Variants in MTAP observed in about 807,000 individuals in gnomAD.
The protein encoded by MTAP is methylthioadenosine phosphorylase.
A neutral mutation model predicts 33.6 loss-of-function variants in MTAP; 33 were observed. The ratio of observed to expected loss-of-function variants is 0.98; its 90% confidence interval spans 0.74 to 1.31. The LOEUF is 1.31. MTAP is among the 40% of genes most tolerant of loss of function. MTAP has a pLI of 0.00. For missense variants in MTAP, 367 were observed against 360.0 expected, an observed-to-expected ratio of 1.02 and a Z score of -0.16; for synonymous variants, 148 against 125.7, an observed-to-expected ratio of 1.18 and a Z score of -1.19.
chr9:21,875,579 G>T (rs111740773), intron 1 of MTAP, among the ~76,000 whole-genome samples: 1 of 151,956 alleles, frequency 6.6e-6, no homozygotes, highest in Admixed American at 6.6e-5. Context: ...GTTGGCCCCA[G>T]TGTCTTCTTT....
chr9:21,827,690 C>T (rs756965768), intron 4 of MTAP, among the ~76,000 whole-genome samples: 10 of 152,308 alleles, frequency 6.6e-5, no homozygotes, highest in Non-Finnish European at 1.3e-4. Context: ...CCAACACCCA[C>T]AACAGTTCCT....
intron 1 of MTAP, among the ~76,000 whole-genome samples, chr9:21,883,795 A>G (rs1490644157): frequency 6.6e-6 from 1 of 151,796 alleles, no homozygotes; most frequent in African/African-American, 2.4e-5. Flanking sequence ...AATCAGCAAT[A>G]CCTAGTGTGG....
chr9:21,825,558 C>T (rs1432529963), intron 4 of MTAP, among the ~76,000 whole-genome samples: 18 of 152,154 alleles, frequency 1.2e-4, no homozygotes, highest in Admixed American at 1.2e-3. Flanking sequence ...GCCATTGTGG[C>T]CTGGCACAGT....
intron 1 of MTAP, among the ~76,000 whole-genome samples, chr9:21,879,120 C>G (rs952160851): frequency 1.3e-5 from 2 of 152,100 alleles, no homozygotes; most frequent in Non-Finnish European, 2.9e-5. Flanking sequence ...TGTTAATTTT[C>G]TTCCTTGATG....
intron 1 of MTAP, among the ~76,000 whole-genome samples, chr9:21,807,917 G>T (rs924960009): frequency 2.6e-5 from 4 of 152,220 alleles, no homozygotes; most frequent in African/African-American, 9.7e-5. Context: ...AGCAGTTAAG[G>T]AAAATGTTTG....
At chr9:21,868,884 C>T (rs556037143), downstream of MTAP, among the ~76,000 whole-genome samples, 31 of 152,278 alleles carry the variant, frequency 2.0e-4, no homozygotes, top group African/African-American at 6.7e-4. Flanking sequence ...CCAGAGTTTC[C>T]GATTCAGGAT....
chr9:21,910,191 A>G (rs1366695178), intron 1 of MTAP, among the ~76,000 whole-genome samples: 2 of 152,198 alleles, frequency 1.3e-5, no homozygotes, highest in South Asian at 2.1e-4. Context: ...AAATATGTAT[A>G]AAACACTTAC....
chr9:21,871,408 A>T (rs1299780607), downstream of MTAP, among the ~76,000 whole-genome samples: 1 of 151,998 alleles, frequency 6.6e-6, no homozygotes, highest in Non-Finnish European at 1.5e-5. Context: ...ATCTCTTTTT[A>T]TCTGACTCAC....
chr9:21,864,577 C>T lies in MTAP; in HGVS notation c.*2563C>T, dbSNP rs1825819112. ...CATGGTTTTGAGAATGACATCCTGG[C>T]CCTGTGGTCCCCGAGGGTCATGGTC... On this transcript the variant is annotated 3_prime_UTR_variant, in exon 8 of 8. Coordinates refer to ENST00000644715, the MANE Select transcript of MTAP (RefSeq NM_002451.4). 1 of 985,468 alleles carries T rather than the reference C, an allele frequency of 1.0e-6. No homozygotes were observed. Among genetic ancestry groups the T allele is most frequent in the African/African-American group, 1.7e-5 (1 of 57,334 alleles). 61.0% of individuals were successfully genotyped at this position (985,468 alleles called of 1,614,324 possible).
At chr9:21,809,838 G>A (rs184685267) in intron 1 of MTAP, among the ~76,000 whole-genome samples, 20 of 152,310 alleles carry the variant, frequency 1.3e-4, no homozygotes, top group Admixed American at 1.2e-3. Context: ...GTTCAGGAGG[G>A]TGGGTGGCTC....
At chr9:21,904,038 G>A (rs1386275363) in intron 1 of MTAP, among the ~76,000 whole-genome samples, 1 of 152,198 alleles carries the variant, frequency 6.6e-6, no homozygotes, top group Admixed American at 6.5e-5. Context: ...GCAGATGGGG[G>A]AGCCAGAAAG....
At chr9:21,836,203 T>A (rs1235701794) in intron 4 of MTAP, among the ~76,000 whole-genome samples, 1 of 152,004 alleles carries the variant, frequency 6.6e-6, no homozygotes, top group African/African-American at 2.4e-5. Flanking sequence ...AAATGAAGAA[T>A]CAAAAAGATA....
At chr9:21,878,907 A>G (rs529869299) in intron 1 of MTAP, among the ~76,000 whole-genome samples, 1 of 152,244 alleles carries the variant, frequency 6.6e-6, no homozygotes, top group South Asian at 2.1e-4. Flanking sequence ...TTATTGCGCT[A>G]TAGTCCTAGA....
chr9:21,804,881 T>C (rs1824168008), intron 1 of MTAP, among the ~76,000 whole-genome samples: 1 of 152,162 alleles, frequency 6.6e-6, no homozygotes, highest in African/African-American at 2.4e-5. Flanking sequence ...ACCAACTAGA[T>C]GTGAGGCATT....
rs111342676 is a variant in MTAP, at chr9:21,863,046, A to C, written c.*1032A>C. ...AGGGAGTTACATCTTTATTCTGCTA[A>C]AGAAGAGGATCATTGATTTCTGTAC... On this transcript the variant is annotated 3_prime_UTR_variant, in exon 8 of 8. Coordinates refer to ENST00000644715, the MANE Select transcript of MTAP (RefSeq NM_002451.4). 1.0e-6 allele frequency: 1 copy of C among 985,456 alleles called. No homozygotes were observed. Among genetic ancestry groups the C allele is most frequent in the African/African-American group, 1.7e-5 (1 of 57,382 alleles). The allele number at this position is 985,456 out of a possible 1,614,324, so 61.0% of individuals were successfully genotyped here.
At position 21,883,038 on chromosome 9, in the gene MTAP, TAATTA is replaced by T. The variant is rs1449068047; in HGVS notation, c.147+28175_147+28179del. 2.0e-5 allele frequency among the ~76,000 whole-genome samples: 3 copies of T among 150,946 alleles called. No individual in the cohort carries two copies. The East Asian group carries it at 5.8e-4, about 29-fold the overall frequency. The stretch of plus-strand genomic sequence containing the variant: ...GTGATTAAAAAAGAAAAGCAGAACT[TAATTA>T]AATTAATGAAGTAGAAAACAAGGAG... On this transcript the variant is annotated intron_variant, in intron 1 of 1. Coordinates refer to the MTAP transcript ENST00000577563.
At chr9:21,861,873 T>A in intron 7 of MTAP, 103 bp from the exon 8 acceptor site, 1 of 803,800 alleles carries the variant, frequency 1.2e-6, no homozygotes, top group Non-Finnish European at 2.2e-6. Context: ...GTTTCCTGCG[T>A]CCTCACTTTG....
At chr9:21,912,116 C>T (rs576600202) in intron 1 of MTAP, among the ~76,000 whole-genome samples, 1 of 152,060 alleles carries the variant, frequency 6.6e-6, no homozygotes, top group African/African-American at 2.4e-5. Context: ...CAATAACAGG[C>T]TCTGAAATTG....
At chr9:21,803,273 C>G (rs1824113104) in intron 1 of MTAP, 1 of 263,940 alleles carries the variant, frequency 3.8e-6, no homozygotes, top group African/African-American at 2.2e-5. Context: ...TTGTTGCCTG[C>G]GGCCCACGTG....
Sources: allele counts gnomAD v4.1 joint callset (sites outside exome capture counted in the v4.1 genomes callset), GRCh38; gene constraint gnomAD v4.1.1; transcripts MANE v1.5; gene names NCBI Gene and HGNC (gene_info 2026-07-23, HGNC 2026-07-21).